Variants in CDC42BPA observed in about 807,000 individuals in gnomAD.
CDC42BPA encodes CDC42 binding protein kinase alpha, also known as serine/threonine-protein kinase MRCK alpha.
Under a neutral mutation model 223.5 loss-of-function variants are expected in CDC42BPA, and 80 were observed. The ratio of observed to expected loss-of-function variants is 0.36; its 90% CI spans 0.30 to 0.43. The LOEUF is 0.43. Among genes scored for constraint, CDC42BPA ranks in the 20% least tolerant of loss-of-function variants. The probability of loss-of-function intolerance (pLI) is 1.00; values close to 1 mark genes in which losing one functional copy is unlikely to be tolerated. For synonymous variants in CDC42BPA, 694 were observed against 718.6 expected (o/e 0.97, Z 0.55); for missense variants, 1,743 against 2,099.9 (o/e 0.83, Z 3.32).
At chr1:227,071,720 C>G (rs867080330) in intron 20 of CDC42BPA, among the ~76,000 whole-genome samples, 6 of 114,366 alleles carry the variant, frequency 5.2e-5, no homozygotes, top group East Asian at 2.8e-4. Flanking sequence ...TCCCACCCCC[C>G]CCCCCCCAAT....
At chr1:227,256,685 T>G (rs1303452980) in intron 1 of CDC42BPA, among the ~76,000 whole-genome samples, 1 of 152,068 alleles carries the variant, frequency 6.6e-6, no homozygotes, top group Non-Finnish European at 1.5e-5. Context: ...ACTGGAACCC[T>G]CATTCATTGC....
intron 1 of CDC42BPA, among the ~76,000 whole-genome samples, chr1:227,275,528 G>C (rs948090328): frequency 1.1e-5 from 1 of 90,624 alleles, no homozygotes; most frequent in Non-Finnish European, 2.4e-5. Flanking sequence ...TCTAAAAGGA[G>C]TGCTGGAAAA....
At chr1:227,288,502 CAGCCT>C (rs1479634978) in intron 1 of CDC42BPA, among the ~76,000 whole-genome samples, 1 of 152,176 alleles carries the variant, frequency 6.6e-6, no homozygotes, top group Non-Finnish European at 1.5e-5. Context: ...AGTTCAAGAC[CAGCCT>C]AGCCAACATG....
chr1:227,059,330 A>T (rs1675299044), intron 21 of CDC42BPA: 7 of 1,520,094 alleles, frequency 4.6e-6, no homozygotes, highest in Non-Finnish European at 5.4e-6. Context: ...AGAGAGGGGT[A>T]AAAGGCCTCA....
At position 227,112,330 on chromosome 1, in the gene CDC42BPA, AT is replaced by A; in HGVS notation, c.1982del (p.Asn661MetfsTer6). On this transcript the variant is annotated frameshift_variant, in exon 14 of 37. Coordinates refer to ENST00000366766, the MANE Select transcript of CDC42BPA (RefSeq NM_001394014.1). LOFTEE classifies it high-confidence loss of function. ...AAGATACCTTCAGTCCCTCCAATTC[AT>A]TTTCCAGTTGCTTAGAATAGTGCTC... is the stretch of plus-strand genomic sequence containing the variant. ...QSEHYSKQLE[N>X]ELEGLKQKQI... The A allele has an allele frequency of 6.3e-7, 1 of 1,590,788 alleles. No homozygotes were observed. Among genetic ancestry groups the A allele is most frequent in the Non-Finnish European group, 8.6e-7 (1 of 1,167,752 alleles).
At chr1:227,284,162 A>G (rs1688453684) in intron 1 of CDC42BPA, among the ~76,000 whole-genome samples, 1 of 152,216 alleles carries the variant, frequency 6.6e-6, no homozygotes, top group Non-Finnish European at 1.5e-5. Flanking sequence ...GACACATCAA[A>G]TGTCATGATG....
In CDC42BPA at chr1:226,993,235, C is replaced by T. The variant is rs1284931953; in HGVS notation, c.*1033G>A. On this transcript the variant is annotated 3_prime_UTR_variant, in exon 37 of 37. Transcript: ENST00000366766. ...TTTTCTGCACCTTCAGAAGCTACAACACTCCTTGTAACCTTTCAGATGGAA... is the reference window on the plus strand; with the variant it reads ...TTTTCTGCACCTTCAGAAGCTACAATACTCCTTGTAACCTTTCAGATGGAA... The T allele has an allele frequency of 6.6e-6, 1 of 152,230 alleles. No individual in the cohort carries two copies. Among genetic ancestry groups the T allele is most frequent in the African/African-American group, 2.4e-5 (1 of 41,452 alleles). 9.4% of individuals were successfully genotyped at this position (152,230 alleles called of 1,614,324 possible). A position where few individuals can be genotyped will look rare whatever the true frequency, so the allele number is the denominator to read the frequency against.
At chr1:227,132,551 A>G in intron 10 of CDC42BPA, among the ~76,000 whole-genome samples, 1 of 140,744 alleles carries the variant, frequency 7.1e-6, no homozygotes, top group East Asian at 2.1e-4. Context: ...CCTGGCTGCC[A>G]CCCCGTCTGG....
chr1:227,201,143 TA>T (rs1671683765), intron 3 of CDC42BPA, among the ~76,000 whole-genome samples: 1 of 148,674 alleles, frequency 6.7e-6, no homozygotes, highest in African/African-American at 2.5e-5. Context: ...AATAAAAAAA[TA>T]ATTGTTTAAC....
chr1:227,195,094 C>A (rs983613614), intron 4 of CDC42BPA, among the ~76,000 whole-genome samples: 3 of 152,196 alleles, frequency 2.0e-5, no homozygotes, highest in Non-Finnish European at 4.4e-5. Context: ...ACCAAAGAAA[C>A]TAATTTCGCA....
In CDC42BPA at chr1:226,994,991, T is replaced by G; in HGVS notation, c.4976-11A>C. 6.2e-7 allele frequency: 1 copy of G among 1,608,598 alleles called. No individual in the cohort carries two copies. Among genetic ancestry groups the G allele is most frequent in the Non-Finnish European group, 8.5e-7 (1 of 1,176,988 alleles). On this transcript the variant is annotated splice_polypyrimidine_tract_variant and intron_variant, in intron 35 of 36. Coordinates refer to ENST00000366766, the MANE Select transcript of CDC42BPA (RefSeq NM_001394014.1). This position sits in a 1 kb window ranked among gnomAD's most constrained non-coding sequence, Gnocchi z 4.0. Reference sequence around the variant, plus strand: ...TCTGTGCGGATGACCCTACAGTACATCATGCAGGCAAAATTTTACATATGC... The same window carrying G: ...TCTGTGCGGATGACCCTACAGTACAGCATGCAGGCAAAATTTTACATATGC...
chr1:227,035,870 A>G (rs1193181095), intron 24 of CDC42BPA, among the ~76,000 whole-genome samples: 1 of 152,214 alleles, frequency 6.6e-6, no homozygotes, highest in Non-Finnish European at 1.5e-5. Flanking sequence ...CAACAGACGA[A>G]GCATCTAACC....
intron 15 of CDC42BPA, among the ~76,000 whole-genome samples, chr1:227,092,969 T>TA (rs1422598119): frequency 2.0e-5 from 3 of 152,136 alleles, no homozygotes; most frequent in East Asian, 1.9e-4. Flanking sequence ...CCTCTCAATT[T>TA]AAAAAAATCA....
At chr1:227,248,048 C>T (rs978589078) in intron 2 of CDC42BPA, among the ~76,000 whole-genome samples, 1 of 151,544 alleles carries the variant, frequency 6.6e-6, no homozygotes, top group Non-Finnish European at 1.5e-5. Flanking sequence ...TGAAAATACA[C>T]AGAGGTGACA....
At chr1:227,116,500 A>C (rs948031910) in intron 12 of CDC42BPA, among the ~76,000 whole-genome samples, 3 of 152,232 alleles carry the variant, frequency 2.0e-5, no homozygotes, top group Admixed American at 6.5e-5. Flanking sequence ...ATCGGGGAAC[A>C]AGATGGGGAT....
At chr1:227,302,811 T>C (rs1691876312) in intron 1 of CDC42BPA, among the ~76,000 whole-genome samples, 1 of 152,116 alleles carries the variant, frequency 6.6e-6, no homozygotes, top group Admixed American at 6.5e-5. Context: ...CTCTTTTCTA[T>C]CTCTCTGTGG....
intron 10 of CDC42BPA, among the ~76,000 whole-genome samples, chr1:227,138,636 G>T (rs1055203990): frequency 2.0e-5 from 3 of 151,928 alleles, no homozygotes; most frequent in Admixed American, 6.6e-5. Context: ...TACAACACAG[G>T]ATAGGGAAAT....
chr1:227,200,281 A>AT (rs1468960263), intron 3 of CDC42BPA, among the ~76,000 whole-genome samples: 1 of 152,154 alleles, frequency 6.6e-6, no homozygotes, highest in Non-Finnish European at 1.5e-5. Flanking sequence ...AAATACAAAA[A>AT]TTAACAGGGT....
At chr1:227,211,010 C>G (rs1210126201) in intron 3 of CDC42BPA, among the ~76,000 whole-genome samples, 1 of 152,154 alleles carries the variant, frequency 6.6e-6, no homozygotes, top group Non-Finnish European at 1.5e-5. Flanking sequence ...TGTACAAATC[C>G]TATCTCCCTC....
Sources: allele counts gnomAD v4.1 joint callset (sites outside exome capture counted in the v4.1 genomes callset), GRCh38; gene constraint gnomAD v4.1.1; non-coding constraint Gnocchi (gnomAD v3.1); transcripts MANE v1.5; gene names NCBI Gene and HGNC (gene_info 2026-07-23, HGNC 2026-07-21).